DNAH10: variants seen among roughly 807,000 people sequenced by gnomAD.
The protein encoded by DNAH10 is dynein axonemal heavy chain 10, also known as axonemal beta dynein heavy chain 10.
DNAH10 carries 348 observed loss-of-function variants against 506.6 expected under a neutral mutation model. That is an observed-to-expected ratio of 0.69 (90% CI 0.63 to 0.75). DNAH10 has a LOEUF of 0.75. Among genes scored for constraint, DNAH10 ranks in the 30% least tolerant of loss-of-function variants. The probability of loss-of-function intolerance (pLI) is 0.00; values close to 1 mark genes in which losing one functional copy is unlikely to be tolerated. For missense variants in DNAH10, 5,179 were observed against 5,787.1 expected, an observed-to-expected ratio of 0.89 and a Z score of 3.41; for synonymous variants, 2,059 against 2,198.6, an observed-to-expected ratio of 0.94 and a Z score of 1.78.
intron 76 of DNAH10, chr12:123,932,555 A>C (rs542836514): frequency 6.4e-6 from 1 of 155,924 alleles, no homozygotes; most frequent in African/African-American, 2.5e-5. Context: ...GGTATATTCC[A>C]TGGGTAAATT....
chr12:123,778,904 A>AT (rs34114020), intron 5 of DNAH10, among the ~76,000 whole-genome samples: 17 of 143,960 alleles, frequency 1.2e-4, no homozygotes, highest in Non-Finnish European at 1.4e-4. Flanking sequence ...AGACTGTCTC[A>AT]TTTTTTTTTT....
At chr12:123,878,158 G>C (rs140771862) in intron 48 of DNAH10, among the ~76,000 whole-genome samples, 2 of 152,328 alleles carry the variant, frequency 1.3e-5, no homozygotes, top group East Asian at 3.9e-4. Flanking sequence ...CCTTGGGCAG[G>C]CTGTGTTGTT....
chr12:123,899,670 C>T (rs535186090), intron 56 of DNAH10, among the ~76,000 whole-genome samples: 1 of 152,306 alleles, frequency 6.6e-6, no homozygotes, highest in East Asian at 1.9e-4. Flanking sequence ...TGGGACTGCA[C>T]ATTTTGAATC....
At chr12:123,765,746 T>C (rs1052932293) in intron 1 of DNAH10, among the ~76,000 whole-genome samples, 3 of 151,878 alleles carry the variant, frequency 2.0e-5, no homozygotes, top group African/African-American at 2.4e-5. Context: ...ATCTATCAAT[T>C]ATCTACCAAT....
chr12:123,765,601 C>CTATCTATCT (rs1957007081), intron 1 of DNAH10, among the ~76,000 whole-genome samples: 2 of 78,666 alleles, frequency 2.5e-5, no homozygotes, highest in African/African-American at 9.0e-5. Flanking sequence ...TCTATCTATA[C>CTATCTATCT]ATACCTCTAT....
At chr12:123,826,134 A>T (rs2706266) in intron 24 of DNAH10, among the ~76,000 whole-genome samples, 81,834 of 150,262 alleles carry the variant, frequency 0.54, 23,303 homozygotes, top group East Asian at 0.94. Context: ...AAAAAAATAA[A>T]AATAATAATT....
rs1325931780 is a variant in DNAH10, at chr12:123,887,253, A to G, written c.8935A>G (p.Thr2979Ala). 1 of 1,613,994 alleles carries G rather than the reference A, an allele frequency of 6.2e-7. No individual in the cohort carries two copies. The highest frequency in any genetic ancestry group is 1.7e-5 in the Admixed American group (1 of 60,020). Residue 2979 changes from threonine to alanine, a missense_variant, in exon 52 of 79, where the codon ACG (threonine) becomes GCG (alanine). By Grantham distance (58) the Thr-to-Ala change is moderately conservative. Transcript: ENST00000673944. ...GAACAAAGCGATGATCTTTCTGTTC[A>G]CGGATGCCCATGTGGCTGAGGAGGG... ...IENKAMIFLF[T>A]DAHVAEEGFL...
intron 30 of DNAH10, among the ~76,000 whole-genome samples, chr12:123,843,033 G>A (rs1033835799): frequency 1.2e-4 from 18 of 152,194 alleles, no homozygotes; most frequent in African/African-American, 4.1e-4. Flanking sequence ...ATACTGTGAA[G>A]TTTACACCAG....
chr12:123,772,023 A>T (rs1014797569), intron 3 of DNAH10, among the ~76,000 whole-genome samples: 40 of 152,338 alleles, frequency 2.6e-4, no homozygotes, highest in Admixed American at 1.8e-3. Flanking sequence ...AGTTTCATGG[A>T]TAGCACTTAA....
Position 123,929,280 on chromosome 12 carries a change from C to A in DNAH10, c.12312C>A (p.Val4104=). Residue 4104 remains valine (V), a synonymous_variant, in exon 71 of 79, where the codon GTC becomes GTA. Transcript: ENST00000673944. The part of the protein sequence containing the change: ...IGILQKSLKV[V]TEPPNGLKLN... Reference sequence around the variant, plus strand: ...TGTTTTCTTCTCTTCTGAAGGTTGTCACCGAGCCACCCAATGGGCTGAAAC... The same window carrying A: ...TGTTTTCTTCTCTTCTGAAGGTTGTAACCGAGCCACCCAATGGGCTGAAAC... The A allele has an allele frequency of 6.3e-7, 1 of 1,588,848 alleles. No homozygotes were observed. The highest frequency in any genetic ancestry group is 8.6e-7 in the Non-Finnish European group (1 of 1,167,730).
chr12:123,786,275 C>A (rs1389734008), intron 9 of DNAH10, among the ~76,000 whole-genome samples: 2 of 150,956 alleles, frequency 1.3e-5, no homozygotes, highest in African/African-American at 4.9e-5. Context: ...GGAGATCACA[C>A]CATTACATTC....
chr12:123,915,125 ACCCCCATGCGGAGCCCTC>A (rs891783138), intron 62 of DNAH10, 126 bp downstream of exon 62: 122 of 1,298,738 alleles, frequency 9.4e-5, no homozygotes, highest in Non-Finnish European at 1.2e-4. Flanking sequence ...TTCCATCCTG[ACCCCCATGCGGAGCCCTC>A]CCCCGGCTCC....
In DNAH10 at chr12:123,799,309, C is replaced by T. The variant is rs778580260; in HGVS notation, c.2227C>T (p.Gln743Ter). The change falls in exon 14 of 79, where the codon CAG becomes TAG. Residue 743 changes from glutamine (Q) to a stop codon, truncating the protein, a stop_gained. Coordinates refer to ENST00000673944, the MANE Select transcript of DNAH10 (RefSeq NM_001372106.1). LOFTEE classifies it high-confidence loss of function. ...GGAGTATGAAGACAGAAAGTATGAG[C>T]AGTGGATGGAGGTGACGGAGCAGGT... Reference protein sequence around the residue: ...MKEYEDRKYEQWMEVTEQVLP... With the variant: ...MKEYEDRKYE 6 of 1,613,840 alleles carry T rather than the reference C, an allele frequency of 3.7e-6. No homozygotes were observed. Among genetic ancestry groups the T allele is most frequent in the Admixed American group, 1.7e-5 (1 of 60,012 alleles).
Position 123,928,555 on chromosome 12 carries a change from T to C in DNAH10, c.12274T>C (p.Phe4092Leu). Residue 4092 changes from phenylalanine to leucine, a missense_variant, in exon 70 of 79, where the codon TTC (phenylalanine) becomes CTC (leucine). Physicochemically the swap from Phe to Leu is conservative, Grantham distance 22. Coordinates refer to ENST00000673944, the MANE Select transcript of DNAH10 (RefSeq NM_001372106.1). The surrounding 1 kb of genome is among the most constrained non-coding windows in gnomAD (Gnocchi z 4.9). The part of the protein sequence containing the change: ...LWLTTDPTKG[F>L]PIGILQKSLK... ...GCTCACCACGGACCCCACCAAGGGC[T>C]TCCCCATTGGGATTCTGCAGAAGTC... The C allele has an allele frequency of 6.2e-7, 1 of 1,608,710 alleles. No homozygotes were observed. The highest frequency in any genetic ancestry group is 1.3e-5 in the African/African-American group (1 of 74,914).
In DNAH10 at chr12:123,850,068, C is replaced by T. The variant is rs565774347; in HGVS notation, c.6103-820C>T. ...CTGGGCCTCTTGTGGGATACTGAGG[C>T]TAGGGATGGTCTCAGGGCCGACCTA... On this transcript the variant is annotated intron_variant, in intron 34 of 78. Transcript: ENST00000673944. This position sits in a 1 kb window ranked among gnomAD's most constrained non-coding sequence, Gnocchi z 5.5. 6.6e-6 allele frequency among the ~76,000 whole-genome samples: 1 copy of T among 152,208 alleles called. No homozygotes were observed. Among genetic ancestry groups the T allele is most frequent in the African/African-American group, 2.4e-5 (1 of 41,538 alleles).
rs1435668035 is a variant in DNAH10, at chr12:123,867,606, G to A, written c.7302+5G>A. ...CCTCAGACAGACCTCAATATGGTAA[G>A]AAATGATCCCTGCTGTTAGCAAAAA... On this transcript the variant is annotated splice_donor_5th_base_variant and intron_variant, in intron 42 of 78. Coordinates refer to ENST00000673944, the MANE Select transcript of DNAH10 (RefSeq NM_001372106.1). The A allele has an allele frequency of 9.3e-6, 15 of 1,613,190 alleles. No individual in the cohort carries two copies. Among genetic ancestry groups the A allele is most frequent in the Non-Finnish European group, 1.3e-5 (15 of 1,179,738 alleles).
chr12:123,932,176 C>T lies in DNAH10; in HGVS notation c.13296+68C>T, dbSNP rs1311601628. The T allele has an allele frequency of 2.5e-6, 4 of 1,579,662 alleles. No homozygotes were observed. In the South Asian group the frequency reaches 3.4e-5, roughly 13 times the overall value. ...CAGCCTAGACTCCTCAAACCACCTC[C>T]CAATCCCCTCTTTCCATTGCCCAGC... On this transcript the variant is annotated intron_variant, in intron 76 of 78. Coordinates refer to ENST00000673944, the MANE Select transcript of DNAH10 (RefSeq NM_001372106.1).
In DNAH10 at chr12:123,808,884, T is replaced by A; in HGVS notation, c.3075T>A (p.Leu1025=). The A allele has an allele frequency of 6.2e-7, 1 of 1,614,208 alleles. No individual in the cohort carries two copies. Among genetic ancestry groups the A allele is most frequent in the South Asian group, 1.1e-5 (1 of 91,078 alleles). ...ETILTAPEII[L]HPNTNEIDKM... ...TTCTGACGGCACCTGAGATCATCCT[T>A]CATCCCAACACAAATGAGATCGACA... The change falls in exon 19 of 79, where the codon CTT becomes CTA. Residue 1025 remains leucine (L), a synonymous_variant. Transcript: ENST00000673944.
Position 123,771,622 on chromosome 12 carries a change from C to T in DNAH10, c.320C>T (p.Thr107Ile), listed in dbSNP as rs751670962. Residue 107 changes from threonine to isoleucine, a missense_variant, in exon 3 of 79, where the codon ACC becomes ATC. By Grantham distance (89) the Thr-to-Ile change is moderately conservative (BLOSUM62 -1). This residue lies in a region of DNAH10 where 326 missense variants were observed against 330.8 expected (regional missense o/e 0.99). Transcript: ENST00000673944. ...GCAGCTAAGCGTGTGTCACTGAGAA[C>T]CGAATCTCTAGGCCAACCTCTAAAC... The part of the protein sequence containing the change: ...KVRAKRVSLR[T>I]ESLGQPLNRE... The T allele has an allele frequency of 6.2e-7, 1 of 1,613,656 alleles. No individual in the cohort carries two copies. The highest frequency in any genetic ancestry group is 1.1e-5 in the South Asian group (1 of 90,962).
Sources: allele counts gnomAD v4.1 joint callset (sites outside exome capture counted in the v4.1 genomes callset), GRCh38; gene constraint gnomAD v4.1.1; regional missense constraint gnomAD v4.1.1; non-coding constraint Gnocchi (gnomAD v3.1); transcripts MANE v1.5; gene names NCBI Gene and HGNC (gene_info 2026-07-23, HGNC 2026-07-21).